NDFIP1: variants seen among roughly 807,000 people sequenced by gnomAD.
NDFIP1 encodes the protein NEDD4 family-interacting protein 1.
NDFIP1 carries 7 observed loss-of-function variants against 28.8 expected under a neutral mutation model. The ratio of observed to expected loss-of-function variants is 0.24; its 90% CI spans 0.14 to 0.46. The LOEUF (loss-of-function observed/expected upper bound fraction) is 0.46, where lower values mean the gene tolerates loss of function less well. Among genes scored for constraint, NDFIP1 ranks in the 20% least tolerant of loss-of-function variants. The pLI, the probability that NDFIP1 is intolerant of heterozygous loss-of-function variation, is 0.99. For synonymous variants in NDFIP1, 92 were observed against 101.0 expected (o/e 0.91, Z 0.53); for missense variants, 194 against 269.1 (o/e 0.72, Z 1.95).
intron 6 of NDFIP1, among the ~76,000 whole-genome samples, chr5:142,141,887 T>C (rs1757335435): frequency 6.6e-6 from 1 of 152,102 alleles, no homozygotes; most frequent in Non-Finnish European, 1.5e-5. Context: ...TCCCAGCATT[T>C]TGGGAGACTG....
intron 7 of NDFIP1, 127 bp downstream of exon 7, chr5:142,144,803 C>A: frequency 3.7e-6 from 2 of 536,576 alleles, no homozygotes; most frequent in South Asian, 3.6e-5. Context: ...ACAGTCCCTG[C>A]CTTTTAGCAG....
chr5:142,114,634 T>A, intron 1 of NDFIP1, among the ~76,000 whole-genome samples: 1 of 152,316 alleles, frequency 6.6e-6, no homozygotes, highest in Non-Finnish European at 1.5e-5. Context: ...AATATTTCTA[T>A]GTGTAACGCT....
intron 6 of NDFIP1, 43 bp downstream of exon 6, chr5:142,140,672 T>A: frequency 6.8e-7 from 1 of 1,475,356 alleles, no homozygotes; most frequent in Non-Finnish European, 9.4e-7. Context: ...AACATTACAT[T>A]AAATTTTATA....
At chr5:142,122,008 G>A (rs1757126927) in intron 1 of NDFIP1, among the ~76,000 whole-genome samples, 2 of 152,108 alleles carry the variant, frequency 1.3e-5, no homozygotes, top group African/African-American at 2.4e-5. Flanking sequence ...ACTATTCCTC[G>A]TACAGTCTTT....
intron 4 of NDFIP1, among the ~76,000 whole-genome samples, chr5:142,136,755 C>CAAAAAAAAAAAAA (rs33932095): frequency 1.3e-5 from 1 of 76,452 alleles, no homozygotes. Flanking sequence ...GACTTCGTCT[C>CAAAAAAAAAAAAA]AAAAAAAAAA....
intron 1 of NDFIP1, among the ~76,000 whole-genome samples, chr5:142,116,422 G>A (rs1335552746): frequency 6.6e-6 from 1 of 151,164 alleles, no homozygotes; most frequent in East Asian, 1.9e-4. Flanking sequence ...AGGCTGGAGT[G>A]CAGTGGCGCA....
intron 3 of NDFIP1, among the ~76,000 whole-genome samples, chr5:142,133,017 CG>C (rs1757241752): frequency 6.6e-6 from 1 of 152,214 alleles, no homozygotes; most frequent in South Asian, 2.1e-4. Context: ...CCCAGAAATG[CG>C]GGGACCATCA....
At chr5:142,122,007 C>T (rs1356515858) in intron 1 of NDFIP1, among the ~76,000 whole-genome samples, 2 of 152,182 alleles carry the variant, frequency 1.3e-5, no homozygotes, top group Non-Finnish European at 1.5e-5. Context: ...CACTATTCCT[C>T]GTACAGTCTT....
At chr5:142,116,736 G>A (rs1173352532) in intron 1 of NDFIP1, among the ~76,000 whole-genome samples, 6 of 151,054 alleles carry the variant, frequency 4.0e-5, no homozygotes, top group African/African-American at 1.5e-4. Flanking sequence ...TTTGAGACAG[G>A]GTCTGGTTCT....
intron 4 of NDFIP1, among the ~76,000 whole-genome samples, chr5:142,136,755 CAAAAAAAA>C (rs33932095): frequency 1.3e-5 from 1 of 76,452 alleles, no homozygotes; most frequent in African/African-American, 5.5e-5. Flanking sequence ...GACTTCGTCT[CAAAAAAAA>C]AAAAAAAAAA....
At chr5:142,139,566 G>A (rs1757307810) in intron 5 of NDFIP1, among the ~76,000 whole-genome samples, 2 of 152,130 alleles carry the variant, frequency 1.3e-5, no homozygotes, top group Admixed American at 1.3e-4. Context: ...CCTTTAGAAA[G>A]AACTGTTTTT....
chr5:142,118,251 A>G (rs1757089512), intron 1 of NDFIP1, among the ~76,000 whole-genome samples: 1 of 152,200 alleles, frequency 6.6e-6, no homozygotes, highest in South Asian at 2.1e-4. Flanking sequence ...GATCCCATCC[A>G]GGATCCAGGA....
chr5:142,118,495 A>G (rs771690254), intron 1 of NDFIP1, among the ~76,000 whole-genome samples: 8 of 152,312 alleles, frequency 5.3e-5, no homozygotes, highest in Non-Finnish European at 1.0e-4. Flanking sequence ...ATCACATCAT[A>G]TCAAGAATGC....
At chr5:142,116,341 TCC>T in intron 1 of NDFIP1, among the ~76,000 whole-genome samples, 1 of 119,332 alleles carries the variant, frequency 8.4e-6, no homozygotes, top group Non-Finnish European at 1.7e-5. Context: ...CTTCCTTCCT[TCC>T]TTCCTTCTTT....
At chr5:142,140,070 G>A (rs1757312510) in intron 5 of NDFIP1, among the ~76,000 whole-genome samples, 1 of 152,142 alleles carries the variant, frequency 6.6e-6, no homozygotes, top group South Asian at 2.1e-4. Context: ...TGCATTTATT[G>A]TAACCATTTC....
chr5:142,128,206 T>C (rs1420038528), intron 1 of NDFIP1, among the ~76,000 whole-genome samples: 1 of 152,128 alleles, frequency 6.6e-6, no homozygotes, highest in South Asian at 2.1e-4. Context: ...GGGCTTCCAC[T>C]GACCCAGTTG....
At chr5:142,121,026 C>T (rs1224952764) in intron 1 of NDFIP1, among the ~76,000 whole-genome samples, 8 of 152,182 alleles carry the variant, frequency 5.3e-5, no homozygotes. Context: ...GCTGAGCAGG[C>T]TGCAGTCAAC....
intron 1 of NDFIP1, 120 bp downstream of exon 1, chr5:142,109,157 G>A (rs955878599): frequency 1.9e-5 from 18 of 945,276 alleles, no homozygotes; most frequent in Non-Finnish European, 2.3e-5. Context: ...GGCAGGCCGC[G>A]CTGGGCCTGG....
intron 7 of NDFIP1, among the ~76,000 whole-genome samples, chr5:142,148,004 G>T (rs534054712): frequency 1.3e-5 from 2 of 152,314 alleles, no homozygotes; most frequent in South Asian, 4.1e-4. Flanking sequence ...CTTTGATGGA[G>T]ATGTCACCAA....
Sources: allele counts gnomAD v4.1 joint callset (sites outside exome capture counted in the v4.1 genomes callset), GRCh38; gene constraint gnomAD v4.1.1; transcripts MANE v1.5; gene names NCBI Gene and HGNC (gene_info 2026-07-23, HGNC 2026-07-21).